Variants in NTM observed in about 807,000 individuals in gnomAD.
NTM encodes the protein neurotrimin.
A neutral mutation model predicts 42.1 loss-of-function variants in NTM; 13 were observed. That is an observed-to-expected ratio of 0.31 (90% CI 0.20 to 0.49). The LOEUF (loss-of-function observed/expected upper bound fraction) is 0.49, where lower values mean the gene tolerates loss of function less well. Ranked by LOEUF, NTM falls within the 20% of genes least tolerant of loss-of-function variation. The probability of loss-of-function intolerance (pLI) is 0.99; values close to 1 mark genes in which losing one functional copy is unlikely to be tolerated. For synonymous variants in NTM, 187 were observed against 179.2 expected, an observed-to-expected ratio of 1.04 and a Z score of -0.35; for missense variants, 373 against 452.8, an observed-to-expected ratio of 0.82 and a Z score of 1.60.
intron 1 of NTM, among the ~76,000 whole-genome samples, chr11:131,434,095 G>T (rs1216183782): frequency 6.6e-6 from 1 of 152,176 alleles, no homozygotes; most frequent in East Asian, 1.9e-4. Context: ...ATGGTTTCCA[G>T]CTGCATCCAT....
At chr11:131,637,048 C>T (rs533741318) in intron 1 of NTM, among the ~76,000 whole-genome samples, 1 of 152,180 alleles carries the variant, frequency 6.6e-6, no homozygotes, top group Non-Finnish European at 1.5e-5. Flanking sequence ...CTGTTTCCCT[C>T]TTGTCTTCTA....
intron 6 of NTM, 129 bp from the exon 7 acceptor site, chr11:132,314,423 T>G: frequency 9.9e-7 from 1 of 1,011,290 alleles, no homozygotes; most frequent in South Asian, 1.8e-5. Context: ...GTTGAGTGGA[T>G]CAAATAATGG....
chr11:132,314,901 A>T, intron 7 of NTM, 198 bp downstream of exon 7: 1 of 1,353,566 alleles, frequency 7.4e-7, no homozygotes, highest in African/African-American at 1.5e-5. Context: ...AGACAGAAAG[A>T]GAAAGAACAA....
intron 1 of NTM, among the ~76,000 whole-genome samples, chr11:131,479,919 TAAAA>T (rs770644945): frequency 1.3e-5 from 2 of 152,136 alleles, no homozygotes; most frequent in Non-Finnish European, 2.9e-5. Flanking sequence ...AAATCAATGT[TAAAA>T]AAGTATTAAC....
chr11:131,456,095 A>C (rs542006344), intron 1 of NTM, among the ~76,000 whole-genome samples: 1 of 152,334 alleles, frequency 6.6e-6, no homozygotes, highest in African/African-American at 2.4e-5. Flanking sequence ...GAGCAGTAGG[A>C]TATAAATAAC....
chr11:132,325,054 A>G (rs1372685714), intron 7 of NTM, among the ~76,000 whole-genome samples: 1 of 151,552 alleles, frequency 6.6e-6, no homozygotes, highest in African/African-American at 2.4e-5. Context: ...TTAGACCTAA[A>G]ACCATAAAAA....
chr11:131,813,374 G>A (rs1412806440), intron 1 of NTM, among the ~76,000 whole-genome samples: 1 of 152,136 alleles, frequency 6.6e-6, no homozygotes, highest in Non-Finnish European at 1.5e-5. Flanking sequence ...GGGATGCAAA[G>A]ATGAATAATA....
Position 132,002,413 on chromosome 11 carries a change from A to G in NTM, c.167+90765A>G, listed in dbSNP as rs192873271. Among the ~76,000 whole-genome samples, 15 of 152,300 alleles carry G rather than the reference A, an allele frequency of 9.8e-5. No homozygotes were observed. The highest frequency in any genetic ancestry group is 3.6e-4 in the African/African-American group (15 of 41,574). Reference sequence around the variant, plus strand: ...GAGTTGGGAAGGTAACAGAAGGGGAAATTTTGGTTGAATAGGATAAGAATG... The same window carrying G: ...GAGTTGGGAAGGTAACAGAAGGGGAGATTTTGGTTGAATAGGATAAGAATG... On this transcript the variant is annotated intron_variant, in intron 2 of 8. Transcript: ENST00000683400. The surrounding 1 kb of genome is among the most constrained non-coding windows in gnomAD (Gnocchi z 4.5).
intron 2 of NTM, among the ~76,000 whole-genome samples, chr11:131,950,814 A>C (rs2060901746): frequency 6.6e-6 from 1 of 152,140 alleles, no homozygotes; most frequent in African/African-American, 2.4e-5. Context: ...TAATCCTCCC[A>C]CGCATGGCCT....
At chr11:132,189,300 A>G (rs1040248291) in intron 3 of NTM, among the ~76,000 whole-genome samples, 1 of 152,200 alleles carries the variant, frequency 6.6e-6, no homozygotes, top group African/African-American at 2.4e-5. Context: ...CTTTTTAACC[A>G]ATACTTCAAC....
chr11:131,462,721 T>C (rs11222648), intron 1 of NTM, among the ~76,000 whole-genome samples: 46 of 152,112 alleles, frequency 3.0e-4, no homozygotes, highest in Non-Finnish European at 6.0e-4. Flanking sequence ...CCTAGCATTG[T>C]ACAGCAACTT....
At chr11:131,447,338 C>T (rs889376914) in intron 1 of NTM, among the ~76,000 whole-genome samples, 1 of 152,192 alleles carries the variant, frequency 6.6e-6, no homozygotes, top group East Asian at 1.9e-4. Context: ...AGTTCACGTG[C>T]TAACCATGAA....
At chr11:132,000,523 G>C (rs1304749921) in intron 2 of NTM, among the ~76,000 whole-genome samples, 1 of 152,182 alleles carries the variant, frequency 6.6e-6, no homozygotes, top group African/African-American at 2.4e-5. Flanking sequence ...AGCATTTGGG[G>C]TGAATGTGTA....
At chr11:131,578,522 G>T (rs142326675) in intron 1 of NTM, among the ~76,000 whole-genome samples, 1 of 152,142 alleles carries the variant, frequency 6.6e-6, no homozygotes, top group African/African-American at 2.4e-5. Context: ...CAGAGACAGG[G>T]GAGCTACATA....
chr11:131,730,014 T>G (rs953864264), intron 1 of NTM, among the ~76,000 whole-genome samples: 3 of 152,222 alleles, frequency 2.0e-5, no homozygotes, highest in Non-Finnish European at 2.9e-5. Flanking sequence ...TTCAAAGAAC[T>G]GCCAATCTGT....
chr11:131,970,847 G>A (rs1056152725), intron 2 of NTM, among the ~76,000 whole-genome samples: 1 of 152,258 alleles, frequency 6.6e-6, no homozygotes, highest in South Asian at 2.1e-4. Flanking sequence ...CCTCATCTCT[G>A]ATTCTATGCC....
intron 1 of NTM, among the ~76,000 whole-genome samples, chr11:131,466,407 T>G (rs1951902130): frequency 1.3e-5 from 2 of 152,200 alleles, no homozygotes; most frequent in South Asian, 4.1e-4. Context: ...TAAGGAAACT[T>G]GGACTGTAAG....
Position 132,186,736 on chromosome 11 carries a change from T to G in NTM, c.401-25286T>G, listed in dbSNP as rs529427869. ...ACACTATAAGACAAGGCAGTTATAA[T>G]AATTTCAGTTTTATAAATGGAGCAA... On this transcript the variant is annotated intron_variant, in intron 3 of 8. Coordinates refer to ENST00000683400, the MANE Select transcript of NTM (RefSeq NM_001352005.2). Among the ~76,000 whole-genome samples, 80 of 152,332 alleles carry G rather than the reference T, an allele frequency of 5.3e-4. 1 individual carries two copies. The highest frequency in any genetic ancestry group is 1.8e-3 in the African/African-American group (75 of 41,584).
intron 1 of NTM, among the ~76,000 whole-genome samples, chr11:131,695,742 A>G (rs2075367678): frequency 6.6e-6 from 1 of 152,236 alleles, no homozygotes; most frequent in East Asian, 1.9e-4. Flanking sequence ...TTATTGTAAC[A>G]GAGGTCTTAC....
Sources: gnomAD v4.1 joint callset for allele counts (sites outside exome capture counted in the v4.1 genomes callset) on GRCh38, gnomAD v4.1.1 for gene constraint, Gnocchi (gnomAD v3.1) non-coding constraint, MANE v1.5 for transcripts, NCBI Gene and HGNC (gene_info 2026-07-23, HGNC 2026-07-21) for gene names.